Variants in NFE2L3 observed in about 807,000 individuals in gnomAD.
NFE2L3 encodes the protein NFE2 like bZIP transcription factor 3.
In NFE2L3, 18 loss-of-function variants were observed where a neutral mutation model predicts 23.5. The observed-to-expected ratio is 0.77, with a 90% CI of 0.53 to 1.13. The LOEUF is 1.13. Ranked by LOEUF, NFE2L3 falls within the 50% of genes most tolerant of loss-of-function variation. NFE2L3 has a pLI of 0.00. For missense variants in NFE2L3, 1,152 were observed against 877.2 expected (o/e 1.31, Z -3.96); for synonymous variants, 424 against 354.5 (o/e 1.20, Z -2.20).
chr7:26,179,064 G>C (rs1784462983), intron 2 of NFE2L3, among the ~76,000 whole-genome samples: 1 of 152,052 alleles, frequency 6.6e-6, no homozygotes, highest in African/African-American at 2.4e-5. Context: ...TCAGAAAACA[G>C]GTTTGTTCTC....
intron 1 of NFE2L3, among the ~76,000 whole-genome samples, chr7:26,170,461 T>C (rs1784317431): frequency 6.6e-6 from 1 of 152,172 alleles, no homozygotes; most frequent in African/African-American, 2.4e-5. Flanking sequence ...TTCTCACCTT[T>C]TAATTAGCAA....
intron 1 of NFE2L3, among the ~76,000 whole-genome samples, chr7:26,163,373 AT>A (rs1262385259): frequency 6.6e-6 from 1 of 151,914 alleles, no homozygotes; most frequent in Non-Finnish European, 1.5e-5. Context: ...TGAAACGGAG[AT>A]TTGCTCTTGT....
chr7:26,177,541 G>T (rs1022593050), intron 1 of NFE2L3, among the ~76,000 whole-genome samples: 1 of 152,196 alleles, frequency 6.6e-6, no homozygotes. Context: ...AGGTTGCAGC[G>T]AGCCAAGATC....
rs753793069 is a variant in NFE2L3, at chr7:26,185,788, A to G, written c.*5A>G. ...CAAAAGGGAAAGAGAAAGTGAGAAG[A>G]AACTGAAGATGGACTCTATTATGTG... On this transcript the variant is annotated 3_prime_UTR_variant, in exon 4 of 4. Coordinates refer to ENST00000056233, the MANE Select transcript of NFE2L3 (RefSeq NM_004289.7). 3 of 1,575,668 alleles carry G rather than the reference A, an allele frequency of 1.9e-6. No individual in the cohort carries two copies. The highest frequency in any genetic ancestry group is 2.6e-6 in the Non-Finnish European group (3 of 1,169,100).
chr7:26,171,551 A>C (rs1022888015), intron 1 of NFE2L3, among the ~76,000 whole-genome samples: 6 of 147,056 alleles, frequency 4.1e-5, no homozygotes, highest in Non-Finnish European at 9.0e-5. Flanking sequence ...TCTGAAAAGA[A>C]AAAAAAAAAA....
chr7:26,173,678 A>G, intron 1 of NFE2L3: 1 of 152,230 alleles, frequency 6.6e-6, no homozygotes. Flanking sequence ...TTGTTGCAGG[A>G]AAGAACAATC....
At chr7:26,176,489 C>T (rs1784407855) in intron 1 of NFE2L3, among the ~76,000 whole-genome samples, 1 of 128,922 alleles carries the variant, frequency 7.8e-6, no homozygotes, top group Non-Finnish European at 1.6e-5. Context: ...GGCAGAGGCG[C>T]TCCTCACATC....
intron 3 of NFE2L3, 81 bp downstream of exon 3, chr7:26,183,865 G>A: frequency 1.1e-6 from 1 of 903,226 alleles, no homozygotes; most frequent in Non-Finnish European, 1.9e-6. Flanking sequence ...TCCTTTACTT[G>A]GATGACACAG....
intron 1 of NFE2L3, among the ~76,000 whole-genome samples, chr7:26,164,854 A>G (rs1047824318): frequency 2.0e-5 from 3 of 152,210 alleles, no homozygotes; most frequent in Admixed American, 6.5e-5. Context: ...AGGAAAGGAT[A>G]CAATTTCAGC....
exon 4 of NFE2L3, chr7:26,187,136 AATGCTTCTAGT>A (rs754107892): frequency 2.0e-5 from 3 of 152,294 alleles, no homozygotes; most frequent in Non-Finnish European, 2.9e-5. Flanking sequence ...TTTTGCCAGA[AATGCTTCTAGT>A]ATGCTTCTAG....
At chr7:26,179,377 G>A (rs1448920785) in intron 2 of NFE2L3, among the ~76,000 whole-genome samples, 2 of 151,972 alleles carry the variant, frequency 1.3e-5, no homozygotes, top group Non-Finnish European at 2.9e-5. Context: ...ATGTGTTCCT[G>A]TACTCCTAGC....
rs182328083 is a variant in NFE2L3 at position 26,154,231 on chromosome 7, C to T, written c.570+1163C>T. On this transcript the variant is annotated intron_variant, in intron 1 of 3. Transcript: ENST00000056233. The stretch of plus-strand genomic sequence containing the variant: ...CAGTGAGAGTCTTGGAGGGATCCTT[C>T]TGTGTTCAGGATATACTGTGGGAGG... 2.6e-5 allele frequency among the ~76,000 whole-genome samples: 4 copies of T among 152,282 alleles called. No homozygotes were observed. The East Asian group carries it at 7.7e-4, about 29-fold the overall frequency.
intron 1 of NFE2L3, among the ~76,000 whole-genome samples, chr7:26,171,272 G>A (rs1031186976): frequency 1.4e-4 from 21 of 152,182 alleles, no homozygotes; most frequent in African/African-American, 4.1e-4. Context: ...TAGGCTGGGC[G>A]TGGTGGTTCA....
intron 1 of NFE2L3, among the ~76,000 whole-genome samples, chr7:26,168,135 C>CT (rs1042546018): frequency 6.1e-5 from 9 of 147,644 alleles, no homozygotes; most frequent in Non-Finnish European, 1.2e-4. Context: ...TCATTCTTGT[C>CT]TTTTTTTTTC....
rs371572887 is a variant in NFE2L3, at chr7:26,172,894, A to G, written c.571-5049A>G. Among the ~76,000 whole-genome samples, 14 of 152,276 alleles carry G rather than the reference A, an allele frequency of 9.2e-5. No homozygotes were observed. In the South Asian group the frequency reaches 2.9e-3, roughly 32 times the overall value. On this transcript the variant is annotated intron_variant, in intron 1 of 3. Transcript: ENST00000056233. ...TAATTAACAAGTAATCTGCAGAGTG[A>G]TACTTTGAGACTCTTTAAGTATCTT...
At chr7:26,181,128 A>G (rs1334770874) in intron 2 of NFE2L3, among the ~76,000 whole-genome samples, 1 of 152,048 alleles carries the variant, frequency 6.6e-6, no homozygotes, top group African/African-American at 2.4e-5. Flanking sequence ...GGTGCACACC[A>G]CCATGCCCAG....
In NFE2L3 at chr7:26,185,553, A is replaced by ACTCT; in HGVS notation, c.1856_1859dup (p.Lys621SerfsTer2). 2 of 1,613,800 alleles carry ACTCT rather than the reference A, an allele frequency of 1.2e-6. No homozygotes were observed. The highest frequency in any genetic ancestry group is 1.7e-6 in the Non-Finnish European group (2 of 1,179,798). ...ATGTAACTTGCAAGCAAAGAAGGAA[A>ACTCT]CTCTTAAGAGAGAGCAAGCACAATG... On this transcript the variant is annotated frameshift_variant, in exon 4 of 4. Transcript: ENST00000056233. LOFTEE classifies it low-confidence loss of function (END_TRUNC).
chr7:26,177,635 A>G (rs1784438988), intron 1 of NFE2L3, among the ~76,000 whole-genome samples: 1 of 152,180 alleles, frequency 6.6e-6, no homozygotes, highest in Non-Finnish European at 1.5e-5. Flanking sequence ...GAAGGAATCA[A>G]TTTTCAACAG....
At chr7:26,170,167 AGG>A in intron 1 of NFE2L3, among the ~76,000 whole-genome samples, 1 of 152,156 alleles carries the variant, frequency 6.6e-6, no homozygotes, top group Non-Finnish European at 1.5e-5. Context: ...CAGAGCTGGA[AGG>A]GGCCCTCTAA....
Sources: gnomAD v4.1 joint callset for allele counts (sites outside exome capture counted in the v4.1 genomes callset) on GRCh38, gnomAD v4.1.1 for gene constraint, MANE v1.5 for transcripts, NCBI Gene and HGNC (gene_info 2026-07-23, HGNC 2026-07-21) for gene names.